SORCS2: variants seen among roughly 807,000 people sequenced by gnomAD.
SORCS2 encodes VPS10 domain-containing receptor SorCS2.
SORCS2 carries 100 observed loss-of-function variants against 141.6 expected under a neutral mutation model. The ratio of observed to expected loss-of-function variants is 0.71; its 90% CI spans 0.60 to 0.83. SORCS2 has a LOEUF of 0.83. Among genes scored for constraint, SORCS2 ranks in the 40% least tolerant of loss-of-function variants. SORCS2 has a pLI of 0.00. For synonymous variants in SORCS2, 789 were observed against 676.9 expected (o/e 1.17, Z -2.57); for missense variants, 1,646 against 1,560.2 (o/e 1.05, Z -0.93).
chr4:7,408,965 T>C (rs1725139380), intron 2 of SORCS2, among the ~76,000 whole-genome samples: 1 of 143,722 alleles, frequency 7.0e-6, no homozygotes. Context: ...ATTACTCTGA[T>C]AAATATCTGA....
At chr4:7,605,974 G>C (rs981473754) in intron 3 of SORCS2, among the ~76,000 whole-genome samples, 3 of 152,224 alleles carry the variant, frequency 2.0e-5, no homozygotes, top group Non-Finnish European at 2.9e-5. Context: ...GATGCTGAAA[G>C]GATGCACATG....
intron 3 of SORCS2, among the ~76,000 whole-genome samples, chr4:7,535,994 C>A (rs931658851): frequency 6.6e-6 from 1 of 152,248 alleles, no homozygotes; most frequent in African/African-American, 2.4e-5. Flanking sequence ...GCATATGTTT[C>A]CCTGTGATGC....
chr4:7,345,845 C>A (rs1720623680), intron 1 of SORCS2, among the ~76,000 whole-genome samples: 2 of 152,144 alleles, frequency 1.3e-5, no homozygotes, highest in South Asian at 2.1e-4. Flanking sequence ...CTCTGTGTCC[C>A]CTGTCCTCTC....
chr4:7,720,024 C>T (rs1001989037), intron 18 of SORCS2, among the ~76,000 whole-genome samples: 1 of 152,260 alleles, frequency 6.6e-6, no homozygotes, highest in African/African-American at 2.4e-5. Context: ...GGCACACACT[C>T]ACTGGTACAC....
At chr4:7,409,309 C>A (rs1725160567) in intron 2 of SORCS2, among the ~76,000 whole-genome samples, 1 of 152,168 alleles carries the variant, frequency 6.6e-6, no homozygotes, top group East Asian at 1.9e-4. Flanking sequence ...TGCTGCCTTT[C>A]CCAAATAGGG....
chr4:7,223,463 C>G (rs1728829797), intron 1 of SORCS2, among the ~76,000 whole-genome samples: 1 of 152,142 alleles, frequency 6.6e-6, no homozygotes, highest in South Asian at 2.1e-4. Flanking sequence ...TGGAATGATG[C>G]TAATTTTTAC....
chr4:7,530,848 A>G (rs2109542702), intron 2 of SORCS2, among the ~76,000 whole-genome samples: 1 of 152,298 alleles, frequency 6.6e-6, no homozygotes. Flanking sequence ...TTGCCCAAGG[A>G]GGTACCGAGT....
intron 3 of SORCS2, among the ~76,000 whole-genome samples, chr4:7,603,772 A>G (rs1366164502): frequency 1.3e-5 from 2 of 151,538 alleles, no homozygotes; most frequent in African/African-American, 4.9e-5. Flanking sequence ...ATCTGCGGGG[A>G]TTCTCTGAGG....
intron 2 of SORCS2, chr4:7,435,094 A>G (rs866848038): frequency 6.9e-6 from 4 of 583,404 alleles, no homozygotes; most frequent in Middle Eastern, 4.4e-4. Context: ...TTTCCCCTGG[A>G]TAAGATAAAC....
intron 1 of SORCS2, among the ~76,000 whole-genome samples, chr4:7,373,577 C>T (rs1003940295): frequency 6.9e-6 from 1 of 145,938 alleles, no homozygotes; most frequent in South Asian, 2.2e-4. Context: ...ACTGCAACCT[C>T]CACCTCCCAG....
At chr4:7,685,041 C>A (rs1327435092) in intron 10 of SORCS2, among the ~76,000 whole-genome samples, 1 of 152,202 alleles carries the variant, frequency 6.6e-6, no homozygotes, top group South Asian at 2.1e-4. Flanking sequence ...GCTGATAACA[C>A]CTGTCGACCT....
Position 7,424,914 on chromosome 4 carries a change from G to T in SORCS2, c.548+28559G>T, listed in dbSNP as rs114080553. Among the ~76,000 whole-genome samples, 186 of 152,338 alleles carry T rather than the reference G, an allele frequency of 1.2e-3. 2 individuals are homozygous for T. The highest frequency in any genetic ancestry group is 4.2e-3 in the African/African-American group (176 of 41,588). On this transcript the variant is annotated intron_variant, in intron 2 of 26. Coordinates refer to ENST00000507866, the MANE Select transcript of SORCS2 (RefSeq NM_020777.3). ...CCCGGCACCACCTCCCGAGGGGCAG[G>T]CACTCTGCTCCCAGGACACTGGCAT...
At chr4:7,548,656 C>T (rs1713453102) in intron 3 of SORCS2, among the ~76,000 whole-genome samples, 1 of 152,036 alleles carries the variant, frequency 6.6e-6, no homozygotes, top group African/African-American at 2.4e-5. Context: ...CAGTGTGCCT[C>T]ACCGTGGAAT....
rs1395201198 is a variant in SORCS2, at chr4:7,283,683, A to G, written c.480+90557A>G. Among the ~76,000 whole-genome samples, 4 of 152,262 alleles carry G rather than the reference A, an allele frequency of 2.6e-5. No homozygotes were observed. The East Asian group carries it at 7.7e-4, about 29-fold the overall frequency. ...CAGTTTCTGCAGCACAGCAGCTCAG[A>G]AAAGCACTGTGCGGTGGGCAGTTCA... On this transcript the variant is annotated intron_variant, in intron 1 of 26. Transcript: ENST00000507866.
rs1716232051 is a variant in SORCS2, at chr4:7,286,480, CTCT to C, written c.480+93361_480+93363del. Among the ~76,000 whole-genome samples the C allele has an allele frequency of 6.6e-6, 1 of 152,216 alleles. No homozygotes were observed. The highest frequency in any genetic ancestry group is 2.1e-4 in the South Asian group (1 of 4,824). ...ATGCACCATCCTCTCAGCCCTGTTT[CTCT>C]TCTTCTCCTGAGGTTTCCAAGACAA... is the stretch of plus-strand genomic sequence containing the variant. On this transcript the variant is annotated intron_variant, in intron 1 of 26. Transcript: ENST00000507866. The surrounding 1 kb of genome is among the most constrained non-coding windows in gnomAD (Gnocchi z 4.1).
chr4:7,543,495 C>T (rs906961730), intron 3 of SORCS2, among the ~76,000 whole-genome samples: 3 of 16,266 alleles, frequency 1.8e-4, no homozygotes, highest in South Asian at 0.015. Flanking sequence ...ACTCATCCAT[C>T]CATCCATCCA....
At chr4:7,427,879 G>A (rs919606482) in intron 2 of SORCS2, among the ~76,000 whole-genome samples, 6 of 142,402 alleles carry the variant, frequency 4.2e-5, no homozygotes, top group East Asian at 2.4e-4. Flanking sequence ...CGACTGCAAC[G>A]CTGGGAATCA....
intron 2 of SORCS2, among the ~76,000 whole-genome samples, chr4:7,476,594 C>T (rs991912989): frequency 4.6e-5 from 7 of 152,152 alleles, no homozygotes; most frequent in Non-Finnish European, 8.8e-5. Context: ...AAAGGTGACA[C>T]AGACCTTTTC....
At chr4:7,469,566 G>A (rs1396343800) in intron 2 of SORCS2, among the ~76,000 whole-genome samples, 2 of 152,216 alleles carry the variant, frequency 1.3e-5, no homozygotes, top group Non-Finnish European at 2.9e-5. Context: ...GCCTGAGTCT[G>A]TAGCTTCCTT....
Sources: allele counts gnomAD v4.1 joint callset (sites outside exome capture counted in the v4.1 genomes callset), GRCh38; gene constraint gnomAD v4.1.1; non-coding constraint Gnocchi (gnomAD v3.1); transcripts MANE v1.5; gene names NCBI Gene and HGNC (gene_info 2026-07-23, HGNC 2026-07-21).